Variants in PCDHAC2 observed in about 807,000 individuals in gnomAD.
The protein encoded by PCDHAC2 is protocadherin alpha-C2.
In PCDHAC2, 24 loss-of-function variants were observed where a neutral mutation model predicts 63.3. The observed-to-expected ratio is 0.38, with a 90% CI of 0.27 to 0.53. The LOEUF is 0.53. PCDHAC2 is among the 20% of genes least tolerant of loss of function. The pLI is 0.81. For missense variants in PCDHAC2, 1,181 were observed against 1,275.2 expected, an observed-to-expected ratio of 0.93 and a Z score of 1.12; for synonymous variants, 569 against 529.4, an observed-to-expected ratio of 1.07 and a Z score of -1.03.
intron 3 of PCDHAC2, among the ~76,000 whole-genome samples, chr5:141,000,385 CTCTCTCTCTCTATATA>C (rs1454405199): frequency 1.1e-4 from 7 of 64,984 alleles, no homozygotes; most frequent in African/African-American, 4.8e-4. Flanking sequence ...CTCTCTCTCT[CTCTCTCTCTCTATATA>C]TATATATATA....
intron 3 of PCDHAC2, among the ~76,000 whole-genome samples, chr5:141,006,916 A>G (rs111263219): frequency 0.011 from 1,648 of 152,304 alleles, 31 homozygotes; most frequent in African/African-American, 0.038. Context: ...TGGGATGCCC[A>G]TGAGATTTCC....
chr5:140,968,133 A>C lies in PCDHAC2; in HGVS notation c.1367A>C (p.Lys456Thr). 3.7e-6 allele frequency: 6 copies of C among 1,614,140 alleles called. No homozygotes were observed. The highest frequency in any genetic ancestry group is 5.1e-6 in the Non-Finnish European group (6 of 1,180,006). ...CAGCTCACATCCCTGCGTACACTGAAGGTTGAGATCTCTGACATCAATGAC... is the reference window on the plus strand; with the variant it reads ...CAGCTCACATCCCTGCGTACACTGACGGTTGAGATCTCTGACATCAATGAC... ...IPQLTSLRTL[K>T]VEISDINDNP... The change falls in exon 1 of 4, where the codon AAG (lysine) becomes ACG (threonine). Residue 456 changes from lysine to threonine, a missense_variant. By Grantham distance (78) the Lys-to-Thr change is moderately conservative. This residue lies in a region of PCDHAC2 where 968 missense variants were observed against 1,073.5 expected (regional missense o/e 0.90). Coordinates refer to ENST00000289269, the MANE Select transcript of PCDHAC2 (RefSeq NM_018899.6).
Position 141,011,490 on chromosome 5 carries a change from A to T in PCDHAC2, c.*1553A>T, listed in dbSNP as rs2098420792. On this transcript the variant is annotated 3_prime_UTR_variant, in exon 4 of 4. Transcript: ENST00000289269. ...GTAATTCCATTATATTTCCTTTTGT[A>T]CACCTGTGAAAAAGTGGAGTAGTGT... The T allele has an allele frequency of 1.3e-5, 2 of 153,734 alleles. No homozygotes were observed. The highest frequency in any genetic ancestry group is 2.9e-5 in the Non-Finnish European group (2 of 68,036). 9.5% of individuals were successfully genotyped at this position (153,734 alleles called of 1,614,324 possible). A position where few individuals can be genotyped will look rare whatever the true frequency, so the allele number is the denominator to read the frequency against.
At chr5:140,983,392 C>T (rs1190599444) in intron 3 of PCDHAC2, among the ~76,000 whole-genome samples, 2 of 152,150 alleles carry the variant, frequency 1.3e-5, no homozygotes, top group African/African-American at 2.4e-5. Context: ...TGGCAGTTTT[C>T]AGAAAGGGAA....
At chr5:140,990,900 G>C (rs1164287326) in intron 3 of PCDHAC2, among the ~76,000 whole-genome samples, 1 of 152,114 alleles carries the variant, frequency 6.6e-6, no homozygotes, top group Non-Finnish European at 1.5e-5. Flanking sequence ...TCGTTGCTGG[G>C]TCAAGTTTTA....
intron 3 of PCDHAC2, among the ~76,000 whole-genome samples, chr5:140,982,945 G>A (rs2097017253): frequency 6.6e-6 from 1 of 151,722 alleles, no homozygotes; most frequent in Non-Finnish European, 1.5e-5. Flanking sequence ...TTTGGTTGAA[G>A]ACTATGGAAA....
chr5:140,968,539 C>T lies in PCDHAC2; in HGVS notation c.1773C>T (p.Phe591=), dbSNP rs781815829. 1.9e-5 allele frequency: 30 copies of T among 1,614,078 alleles called. No homozygotes were observed. The highest frequency in any genetic ancestry group is 6.7e-5 in the East Asian group (3 of 44,898). The change falls in exon 1 of 4, where the codon TTC becomes TTT. Residue 591 remains phenylalanine (F), a synonymous_variant. Transcript: ENST00000289269. ...CCTCAACCAACTCGTCAGCAGCCTT[C>T]GAGATGGTGCCTCGAACTGCCCCTG... The part of the protein sequence containing the change: ...YPTSTNSSAA[F]EMVPRTAPAG...
At chr5:141,004,857 A>C (rs987029522) in intron 3 of PCDHAC2, among the ~76,000 whole-genome samples, 2 of 152,150 alleles carry the variant, frequency 1.3e-5, no homozygotes, top group African/African-American at 4.8e-5. Context: ...TCAGAGAAAA[A>C]ATTTGTTTCT....
intron 1 of PCDHAC2, among the ~76,000 whole-genome samples, chr5:140,974,870 A>G (rs781837180): frequency 9.9e-5 from 15 of 152,182 alleles, no homozygotes; most frequent in African/African-American, 1.4e-4. Context: ...AATGCGGAAC[A>G]GTCTATGTAT....
chr5:140,968,886 A>G lies in PCDHAC2; in HGVS notation c.2120A>G (p.Tyr707Cys). 1 of 1,614,186 alleles carries G rather than the reference A, an allele frequency of 6.2e-7. No homozygotes were observed. Among genetic ancestry groups the G allele is most frequent in the Non-Finnish European group, 8.5e-7 (1 of 1,180,034 alleles). ...CGGACATACTCTGAAATTACCCTTT[A>G]TCTAATAATAGCATTAAGCACAGTG... Reference protein sequence around the residue: ...SPRTYSEITLYLIIALSTVSF... With the variant: ...SPRTYSEITLCLIIALSTVSF... Residue 707 changes from tyrosine (Y) to cysteine (C), a missense_variant, in exon 1 of 4, where the codon TAT (tyrosine) becomes TGT (cysteine). By Grantham distance (194) the Tyr-to-Cys change is radical. This residue lies in a region of PCDHAC2 where 968 missense variants were observed against 1,073.5 expected (regional missense o/e 0.90). Coordinates refer to ENST00000289269, the MANE Select transcript of PCDHAC2 (RefSeq NM_018899.6).
chr5:140,977,514 A>G (rs1554238605), intron 1 of PCDHAC2, among the ~76,000 whole-genome samples: 13 of 152,216 alleles, frequency 8.5e-5, no homozygotes. Context: ...CATTTTGTGA[A>G]CTTGAAAACA....
chr5:140,980,039 C>T (rs2096874436), intron 2 of PCDHAC2, among the ~76,000 whole-genome samples: 1 of 152,184 alleles, frequency 6.6e-6, no homozygotes, highest in South Asian at 2.1e-4. Context: ...ACATTGGGTG[C>T]TATTTCTGAT....
At chr5:140,975,439 T>C (rs1376325988) in intron 1 of PCDHAC2, among the ~76,000 whole-genome samples, 2 of 152,222 alleles carry the variant, frequency 1.3e-5, no homozygotes, top group Non-Finnish European at 2.9e-5. Context: ...CACCAGGATA[T>C]AGGGATCTTG....
chr5:141,008,642 T>C (rs1554261860), intron 3 of PCDHAC2, among the ~76,000 whole-genome samples: 1 of 152,212 alleles, frequency 6.6e-6, no homozygotes, highest in Non-Finnish European at 1.5e-5. Flanking sequence ...AACAATTTCT[T>C]CTTCTGGAGT....
chr5:141,000,395 C>CTCTA (rs1213762225), intron 3 of PCDHAC2, among the ~76,000 whole-genome samples: 16 of 53,972 alleles, frequency 3.0e-4, no homozygotes, highest in East Asian at 6.1e-4. Context: ...CTCTCTCTCT[C>CTCTA]TATATATATA....
chr5:140,976,453 G>A (rs1554237653), intron 1 of PCDHAC2, among the ~76,000 whole-genome samples: 1 of 152,032 alleles, frequency 6.6e-6, no homozygotes, highest in Admixed American at 6.6e-5. Flanking sequence ...AGGGAGGCTG[G>A]GGAAGAAGAA....
chr5:140,967,985 A>G lies in PCDHAC2; in HGVS notation c.1219A>G (p.Thr407Ala). ...NRKVSLGLEA[T>A]LPFRLNGFGN... ...GAAAGTGAGCCTGGGTCTGGAGGCCACACTGCCTTTCCGACTGAATGGCTT... is the reference window on the plus strand; with the variant it reads ...GAAAGTGAGCCTGGGTCTGGAGGCCGCACTGCCTTTCCGACTGAATGGCTT... Residue 407 changes from threonine to alanine, a missense_variant, in exon 1 of 4, where the codon ACA becomes GCA. By Grantham distance (58) the Thr-to-Ala change is moderately conservative. Transcript: ENST00000289269. 3 of 1,614,218 alleles carry G rather than the reference A, an allele frequency of 1.9e-6. No homozygotes were observed. Among genetic ancestry groups the G allele is most frequent in the East Asian group, 4.5e-5 (2 of 44,888 alleles).
At chr5:140,971,615 G>C (rs2096488487) in intron 1 of PCDHAC2, among the ~76,000 whole-genome samples, 1 of 152,030 alleles carries the variant, frequency 6.6e-6, no homozygotes, top group East Asian at 1.9e-4. Flanking sequence ...GGAGAGTCCT[G>C]GGGTACAATT....
chr5:140,970,473 CA>C (rs1177454514), intron 1 of PCDHAC2, among the ~76,000 whole-genome samples: 4 of 151,956 alleles, frequency 2.6e-5, no homozygotes, highest in African/African-American at 9.7e-5. Flanking sequence ...GGTATAAGGC[CA>C]GCTTGTTCAT....
Sources: allele counts gnomAD v4.1 joint callset (sites outside exome capture counted in the v4.1 genomes callset), GRCh38; gene constraint gnomAD v4.1.1; regional missense constraint gnomAD v4.1.1; transcripts MANE v1.5; gene names NCBI Gene and HGNC (gene_info 2026-07-23, HGNC 2026-07-21).